Variants in RERG observed in about 807,000 individuals in gnomAD.
RERG encodes the protein RAS like estrogen regulated growth inhibitor.
RERG carries 25 observed loss-of-function variants against 23.2 expected under a neutral mutation model. The ratio of observed to expected loss-of-function variants is 1.08; its 90% CI spans 0.79 to 1.50. The LOEUF is 1.50. Ranked by LOEUF, RERG falls within the 40% of genes most tolerant of loss-of-function variation. RERG has a pLI of 0.00. For synonymous variants in RERG, 81 were observed against 89.1 expected (o/e 0.91, Z 0.51); for missense variants, 253 against 250.1 (o/e 1.01, Z -0.08).
At chr12:15,194,020 G>C (rs1318961732) in intron 2 of RERG, among the ~76,000 whole-genome samples, 1 of 151,902 alleles carries the variant, frequency 6.6e-6, no homozygotes, top group African/African-American at 2.4e-5. Context: ...CACATTGACA[G>C]CAGGAAAAAA....
chr12:15,159,136 G>T (rs1864567043), intron 2 of RERG, among the ~76,000 whole-genome samples: 1 of 152,052 alleles, frequency 6.6e-6, no homozygotes. Context: ...TCTCCCTGTT[G>T]ATTTTTTTAT....
chr12:15,140,334 T>G (rs1488952765), intron 2 of RERG, among the ~76,000 whole-genome samples: 3 of 152,150 alleles, frequency 2.0e-5, no homozygotes, highest in African/African-American at 7.2e-5. Context: ...TACTCCCAAC[T>G]CTTCTCTCTC....
At position 15,175,108 on chromosome 12, in the gene RERG, C is replaced by A. The variant is rs1425910386; in HGVS notation, c.61+42321G>T. Among the ~76,000 whole-genome samples the A allele has an allele frequency of 2.0e-5, 3 of 151,234 alleles. No individual in the cohort carries two copies. In the East Asian group the frequency reaches 5.8e-4, roughly 29 times the overall value. On this transcript the variant is annotated intron_variant, in intron 2 of 4. Coordinates refer to ENST00000256953, the MANE Select transcript of RERG (RefSeq NM_032918.3). ...CTCTGGAAATCAGATCAACACCTCC[C>A]AACCAAGGTGTGTGGGTGTGTGTGA...
chr12:15,160,946 C>G (rs1414287800), intron 2 of RERG, among the ~76,000 whole-genome samples: 5 of 151,866 alleles, frequency 3.3e-5, no homozygotes, highest in African/African-American at 7.3e-5. Flanking sequence ...ATCTTCCTGG[C>G]CAACATGGTG....
chr12:15,131,602 A>G (rs1490265504), intron 2 of RERG, among the ~76,000 whole-genome samples: 1 of 152,152 alleles, frequency 6.6e-6, no homozygotes, highest in African/African-American at 2.4e-5. Flanking sequence ...TTTGGACTTT[A>G]TTGTGGACAT....
chr12:15,219,460 A>C (rs556382152), intron 1 of RERG, among the ~76,000 whole-genome samples: 1 of 152,234 alleles, frequency 6.6e-6, no homozygotes, highest in South Asian at 2.1e-4. Context: ...ATAATGACAA[A>C]GTGTCTAAGT....
chr12:15,179,041 C>G (rs763403213), intron 2 of RERG, among the ~76,000 whole-genome samples: 1 of 151,932 alleles, frequency 6.6e-6, no homozygotes, highest in African/African-American at 2.4e-5. Flanking sequence ...AGATTTCAGG[C>G]ATCAGAAATA....
intron 2 of RERG, among the ~76,000 whole-genome samples, chr12:15,161,282 T>G (rs952354246): frequency 2.0e-5 from 3 of 151,982 alleles, no homozygotes; most frequent in Admixed American, 6.5e-5. Flanking sequence ...AGTAATAAAG[T>G]AGGCCACTGT....
chr12:15,216,375 A>C (rs983487583), intron 2 of RERG, among the ~76,000 whole-genome samples: 3 of 152,386 alleles, frequency 2.0e-5, no homozygotes, highest in Admixed American at 1.3e-4. Context: ...AATTAAAAGA[A>C]AAACGAGAGA....
In RERG at chr12:15,109,177, C is replaced by T. The variant is rs961323878; in HGVS notation, c.533G>A (p.Arg178Lys). 7 of 1,611,866 alleles carry T rather than the reference C, an allele frequency of 4.3e-6. No individual in the cohort carries two copies. Among genetic ancestry groups the T allele is most frequent in the Non-Finnish European group, 5.9e-6 (7 of 1,179,214 alleles). The change falls in exon 5 of 5, where the codon AGG becomes AAG. Residue 178 changes from arginine (R) to lysine (K), a missense_variant. Coordinates refer to ENST00000256953, the MANE Select transcript of RERG (RefSeq NM_032918.3). ...RRRRMVQGKT[R>K]RRSSTTHVKQ... ...GACATGCGTGGTGGAGCTGCGTCGC[C>T]TCGTCTTGCCCTGCACCATCCTCCG... is the stretch of plus-strand genomic sequence containing the variant.
At chr12:15,211,156 T>A (rs1001747469) in intron 2 of RERG, among the ~76,000 whole-genome samples, 3 of 152,098 alleles carry the variant, frequency 2.0e-5, no homozygotes, top group African/African-American at 7.2e-5. Context: ...TTTAGCAAAT[T>A]TACCACAAAG....
intron 2 of RERG, 61 bp from the exon 3 acceptor site, chr12:15,121,180 C>A (rs1213805216): frequency 7.6e-7 from 1 of 1,316,542 alleles, no homozygotes; most frequent in Non-Finnish European, 1.1e-6. Context: ...GCACACCTAT[C>A]TTTTTAAGGA....
At chr12:15,147,277 A>C (rs1055624945) in intron 2 of RERG, among the ~76,000 whole-genome samples, 1 of 152,236 alleles carries the variant, frequency 6.6e-6, no homozygotes, top group South Asian at 2.1e-4. Context: ...CTAAATGATT[A>C]AAATCCAGGT....
chr12:15,126,288 T>C (rs1410613037), intron 2 of RERG, among the ~76,000 whole-genome samples: 1 of 151,868 alleles, frequency 6.6e-6, no homozygotes, highest in Non-Finnish European at 1.5e-5. Context: ...AAATGTCTAT[T>C]AAAATCTGAT....
At chr12:15,147,226 T>C (rs1864349175) in intron 2 of RERG, among the ~76,000 whole-genome samples, 1 of 152,226 alleles carries the variant, frequency 6.6e-6, no homozygotes, top group Non-Finnish European at 1.5e-5. Flanking sequence ...TCCTTGGCCT[T>C]GGTTTGCAGA....
intron 2 of RERG, among the ~76,000 whole-genome samples, chr12:15,202,078 TGTC>T (rs1865224979): frequency 6.6e-6 from 1 of 151,994 alleles, no homozygotes; most frequent in Non-Finnish European, 1.5e-5. Flanking sequence ...ATTACTTTGT[TGTC>T]CTTTTAAACA....
At chr12:15,217,036 G>A (rs1412476065) in intron 2 of RERG, 6 of 159,042 alleles carry the variant, frequency 3.8e-5, no homozygotes, top group South Asian at 3.9e-4. Flanking sequence ...ACACATGCTT[G>A]ACACTGGACT....
In RERG at chr12:15,217,552, T is replaced by C. The variant is rs567976917; in HGVS notation, c.-63A>G. ...AAAGCACTGAGTAAATCTTTTTGGT[T>C]CCAGTCTTTGGATTCACCATATCAT... On this transcript the variant is annotated 5_prime_UTR_variant, in exon 2 of 5. Transcript: ENST00000256953. 1 of 1,206,684 alleles carries C rather than the reference T, an allele frequency of 8.3e-7. No homozygotes were observed. Among genetic ancestry groups the C allele is most frequent in the Non-Finnish European group, 1.2e-6 (1 of 808,958 alleles). The allele number at this position is 1,206,684 out of a possible 1,614,324, so 74.7% of individuals were successfully genotyped here.
intron 2 of RERG, among the ~76,000 whole-genome samples, chr12:15,169,752 A>G (rs1329550694): frequency 6.6e-6 from 1 of 152,200 alleles, no homozygotes; most frequent in Non-Finnish European, 1.5e-5. Context: ...TATTTTTATG[A>G]GTTTCTAGCC....
Sources: allele counts gnomAD v4.1 joint callset (sites outside exome capture counted in the v4.1 genomes callset), GRCh38; gene constraint gnomAD v4.1.1; transcripts MANE v1.5; gene names NCBI Gene and HGNC (gene_info 2026-07-23, HGNC 2026-07-21).